Variants in ANKRD18B observed in about 807,000 individuals in gnomAD.
ANKRD18B encodes ankyrin repeat domain 18B, also known as ankyrin repeat domain-containing protein 18B.
Under a neutral mutation model 111.8 loss-of-function variants are expected in ANKRD18B, and 75 were observed. That is an observed-to-expected ratio of 0.67 (90% CI 0.56 to 0.81). The LOEUF (loss-of-function observed/expected upper bound fraction) is 0.81, where lower values mean the gene tolerates loss of function less well. Among genes scored for constraint, ANKRD18B ranks in the 40% least tolerant of loss-of-function variants. The pLI is 0.00. For synonymous variants in ANKRD18B, 356 were observed against 417.3 expected, an observed-to-expected ratio of 0.85 and a Z score of 1.79; for missense variants, 1,038 against 1,225.5, an observed-to-expected ratio of 0.85 and a Z score of 2.28.
intron 12 of ANKRD18B, among the ~76,000 whole-genome samples, chr9:33,554,106 C>T (rs2477413): frequency 5.9e-5 from 8 of 134,982 alleles, no homozygotes; most frequent in East Asian, 2.1e-4. Context: ...AAAGAAAAAA[C>T]GGACAAAATA....
downstream of ANKRD18B, chr9:33,573,257 C>T (rs577537280): frequency 1.6e-5 from 16 of 985,206 alleles, no homozygotes; most frequent in Non-Finnish European, 1.9e-5. Flanking sequence ...CACTAGTCCC[C>T]AACAGAAGAA....
chr9:33,567,275 C>A lies in ANKRD18B; in HGVS notation c.2915C>A (p.Ala972Glu). ...LEEYKEAFAV[A>E]LKANSSMSEK... ...GAGTATAAGGAAGCCTTTGCAGTAG[C>A]ATTGAAAGCTAACAGTTCCATGTCA... Residue 972 changes from alanine to glutamate, a missense_variant, in exon 16 of 19, where the codon GCA becomes GAA. Ala to Glu is a moderately radical substitution (Grantham distance 107). Around this residue, in one of 4 missense-constraint regions of ANKRD18B, gnomAD observed 524 missense variants for 677.9 expected, o/e 0.77. Coordinates refer to ENST00000684830, the MANE Select transcript of ANKRD18B (RefSeq NM_001393611.1). 6.5e-7 allele frequency: 1 copy of A among 1,547,182 alleles called. No homozygotes were observed. Among genetic ancestry groups the A allele is most frequent in the East Asian group, 2.5e-5 (1 of 40,728 alleles).
At position 33,542,911 on chromosome 9, in the gene ANKRD18B, G is replaced by GT. The variant is rs201623543; in HGVS notation, c.1079-264dup. On this transcript the variant is annotated intron_variant, in intron 9 of 18. Coordinates refer to ENST00000684830, the MANE Select transcript of ANKRD18B (RefSeq NM_001393611.1). ...TTTAAATTTTGGTTTGTTTCCAGCAGTTTTTTTTTTATATTGGGTGGAATA... is the reference window on the plus strand; with the variant it reads ...TTTAAATTTTGGTTTGTTTCCAGCAGTTTTTTTTTTTATATTGGGTGGAATA... Among the ~76,000 whole-genome samples the GT allele has an allele frequency of 5.3e-3, 780 of 148,266 alleles. 2 individuals are homozygous for GT. The highest frequency in any genetic ancestry group is 8.5e-3 in the Non-Finnish European group (568 of 66,744).
At chr9:33,533,120 G>A (rs1339005202) in intron 3 of ANKRD18B, among the ~76,000 whole-genome samples, 2 of 152,146 alleles carry the variant, frequency 1.3e-5, no homozygotes, top group African/African-American at 2.4e-5. Context: ...CCTTGCCCTT[G>A]AGAATCTCTT....
At chr9:33,544,704 G>T (rs1228104068) in intron 10 of ANKRD18B, among the ~76,000 whole-genome samples, 1 of 152,126 alleles carries the variant, frequency 6.6e-6, no homozygotes, top group Non-Finnish European at 1.5e-5. Flanking sequence ...GGGTGTGGTG[G>T]TGCATGCCTG....
intron 12 of ANKRD18B, among the ~76,000 whole-genome samples, chr9:33,554,514 G>C (rs1426233090): frequency 6.6e-6 from 1 of 152,136 alleles, no homozygotes; most frequent in African/African-American, 2.4e-5. Context: ...TTAAAAAGAG[G>C]AGTAGCAGCC....
At chr9:33,544,091 G>A (rs1435136093) in intron 10 of ANKRD18B, among the ~76,000 whole-genome samples, 1 of 152,060 alleles carries the variant, frequency 6.6e-6, no homozygotes, top group Non-Finnish European at 1.5e-5. Flanking sequence ...TCACTATTTA[G>A]GGTATGCTGA....
chr9:33,546,717 C>G (rs144085091), intron 10 of ANKRD18B, among the ~76,000 whole-genome samples: 9,748 of 152,166 alleles, frequency 0.064, 369 homozygotes, highest in South Asian at 0.1. Context: ...ATTGTATCTT[C>G]CCTTTTGGTG....
intron 14 of ANKRD18B, among the ~76,000 whole-genome samples, chr9:33,563,548 C>T (rs1485738980): frequency 1.3e-5 from 2 of 150,720 alleles, no homozygotes; most frequent in African/African-American, 2.4e-5. Flanking sequence ...AGGGAAGCTA[C>T]ATGGTATCCC....
chr9:33,547,439 A>C (rs1350614998), intron 10 of ANKRD18B, among the ~76,000 whole-genome samples: 1 of 152,188 alleles, frequency 6.6e-6, no homozygotes, highest in Non-Finnish European at 1.5e-5. Flanking sequence ...GAGTCAAATC[A>C]CAATAGAATA....
chr9:33,566,096 A>C, intron 14 of ANKRD18B, 123 bp from the exon 15 acceptor site: 1 of 862,946 alleles, frequency 1.2e-6, no homozygotes, highest in Non-Finnish European at 1.8e-6. Flanking sequence ...ACATTTGAAG[A>C]ATCTACTACA....
chr9:33,545,438 A>G (rs549878189), intron 10 of ANKRD18B, among the ~76,000 whole-genome samples: 2 of 152,354 alleles, frequency 1.3e-5, no homozygotes, highest in East Asian at 3.9e-4. Flanking sequence ...GAATGGAAGC[A>G]TGTGATACGA....
chr9:33,532,051 G>A (rs536596902), intron 3 of ANKRD18B, among the ~76,000 whole-genome samples: 56 of 152,120 alleles, frequency 3.7e-4, no homozygotes, highest in African/African-American at 1.3e-3. Context: ...TGGCTAACAC[G>A]GTGAAACCCT....
In ANKRD18B at chr9:33,566,117, C is replaced by CA; in HGVS notation, c.2461-101dup. On this transcript the variant is annotated intron_variant, in intron 14 of 18. Coordinates refer to ENST00000684830, the MANE Select transcript of ANKRD18B (RefSeq NM_001393611.1). The stretch of plus-strand genomic sequence containing the variant: ...GAAGAATCTACTACATTATAGATAA[C>CA]ATTTTATTGCAAGTGGATGCATTTC... 5 of 1,032,462 alleles carry CA rather than the reference C, an allele frequency of 4.8e-6. No individual in the cohort carries two copies. The South Asian group carries it at 6.1e-5, about 13-fold the overall frequency. The allele number at this position is 1,032,462 out of a possible 1,614,324, so 64.0% of individuals were successfully genotyped here.
rs1230574270 is a variant in ANKRD18B, at chr9:33,524,628, G to A, written c.139G>A (p.Ala47Thr). The A allele has an allele frequency of 6.4e-7, 1 of 1,551,598 alleles. No individual in the cohort carries two copies. The highest frequency in any genetic ancestry group is 2.4e-5 in the East Asian group (1 of 40,932). Reference sequence around the variant, plus strand: ...CCACAGGGCGGCCATCAAGGGCGACGCCGCAGAGGTGGAGCACTGCCTGAC... The same window carrying A: ...CCACAGGGCGGCCATCAAGGGCGACACCGCAGAGGTGGAGCACTGCCTGAC... Reference protein sequence around the residue: ...KIHRAAIKGDAAEVEHCLTRR... With the variant: ...KIHRAAIKGDTAEVEHCLTRR... Residue 47 changes from alanine (A) to threonine (T), a missense_variant, in exon 1 of 19, where the codon GCC (alanine) becomes ACC (threonine). Ala to Thr is a moderately conservative substitution (Grantham distance 58). Around this residue, in one of 4 missense-constraint regions of ANKRD18B, gnomAD observed 216 missense variants for 205.1 expected, o/e 1.05. Transcript: ENST00000684830.
In ANKRD18B at chr9:33,571,049, C is replaced by T. The variant is rs190836175; in HGVS notation, c.3178-197C>T. 1.7e-3 allele frequency among the ~76,000 whole-genome samples: 258 copies of T among 152,222 alleles called. 1 individual carries two copies. Among genetic ancestry groups the T allele is most frequent in the Non-Finnish European group, 1.9e-3 (128 of 68,006 alleles). On this transcript the variant is annotated intron_variant, in intron 17 of 18. Coordinates refer to ENST00000684830, the MANE Select transcript of ANKRD18B (RefSeq NM_001393611.1). ...TCTAAACAGCATTACACAGATACAT[C>T]CTCTATTATCTAAACTTAGAATAAG... is the stretch of plus-strand genomic sequence containing the variant.
intron 1 of ANKRD18B, among the ~76,000 whole-genome samples, chr9:33,527,468 C>G (rs1218149882): frequency 1.3e-5 from 2 of 152,036 alleles, no homozygotes. Flanking sequence ...ATTACAGGTG[C>G]CTGCCACCAC....
chr9:33,549,222 T>G (rs1365067399), intron 11 of ANKRD18B, among the ~76,000 whole-genome samples: 1 of 152,236 alleles, frequency 6.6e-6, no homozygotes, highest in African/African-American at 2.4e-5. Flanking sequence ...AACAAAGCTG[T>G]TTGAATAAAA....
At position 33,548,699 on chromosome 9, in the gene ANKRD18B, A is replaced by G; in HGVS notation, c.1911A>G (p.Glu637=). Reference sequence around the variant, plus strand: ...GACAACTAGAGGATGCTCGTAAGGAAGGTGATAATAAAGAGATAGTCATTA... The same window carrying G: ...GACAACTAGAGGATGCTCGTAAGGAGGGTGATAATAAAGAGATAGTCATTA... ...LERQLEDARK[E]GDNKEIVINI... Residue 637 remains glutamate, a synonymous_variant, in exon 11 of 19, where the codon GAA becomes GAG. Transcript: ENST00000684830. The G allele has an allele frequency of 1.9e-6, 3 of 1,551,184 alleles. No individual in the cohort carries two copies. Among genetic ancestry groups the G allele is most frequent in the Non-Finnish European group, 2.6e-6 (3 of 1,146,630 alleles).
Sources: gnomAD v4.1 joint callset for allele counts (sites outside exome capture counted in the v4.1 genomes callset) on GRCh38, gnomAD v4.1.1 for gene constraint, gnomAD v4.1.1 regional missense constraint, MANE v1.5 for transcripts, NCBI Gene and HGNC (gene_info 2026-07-23, HGNC 2026-07-21) for gene names.